The following BRINP1 variants were observed in gnomAD, a reference collection of about 807,000 sequenced individuals.
BRINP1 encodes BMP/retinoic acid-inducible neural-specific protein 1.
BRINP1 carries 17 observed loss-of-function variants against 72.9 expected under a neutral mutation model. That is an observed-to-expected ratio of 0.23 (90% CI 0.16 to 0.35). The LOEUF is 0.35. Ranked by LOEUF, BRINP1 falls within the 10% of genes least tolerant of loss-of-function variation. The pLI, the probability that BRINP1 is intolerant of heterozygous loss-of-function variation, is 1.00. For missense variants in BRINP1, 850 were observed against 1,001.6 expected (o/e 0.85, Z 2.04); for synonymous variants, 418 against 378.5 (o/e 1.10, Z -1.21).
chr9:119,352,662 C>T (rs1831518006), intron 1 of BRINP1, among the ~76,000 whole-genome samples: 1 of 152,220 alleles, frequency 6.6e-6, no homozygotes. Context: ...CCCACCTTGA[C>T]TTCCCCAGTG....
chr9:119,213,685 A>C, intron 6 of BRINP1: 1 of 602,110 alleles, frequency 1.7e-6, no homozygotes, highest in Non-Finnish European at 3.0e-6. Context: ...TACGACAGAA[A>C]CAATACATCA....
chr9:119,255,983 A>C (rs13300834), intron 2 of BRINP1, among the ~76,000 whole-genome samples: 6 of 125,234 alleles, frequency 4.8e-5, no homozygotes, highest in African/African-American at 1.1e-4. Flanking sequence ...AAAAAAAAAA[A>C]CACGAGACAG....
intron 5 of BRINP1, among the ~76,000 whole-genome samples, chr9:119,216,204 C>T (rs1464669447): frequency 6.6e-6 from 1 of 152,174 alleles, no homozygotes; most frequent in Non-Finnish European, 1.5e-5. Context: ...AGGCAGTCTT[C>T]ACATATTTGC....
intron 2 of BRINP1, among the ~76,000 whole-genome samples, chr9:119,256,024 G>A (rs917866544): frequency 3.3e-5 from 5 of 150,118 alleles, no homozygotes; most frequent in South Asian, 2.1e-4. Context: ...CTCTTGGGAC[G>A]GTGTATTCAT....
intron 5 of BRINP1, among the ~76,000 whole-genome samples, chr9:119,223,027 T>C (rs957157634): frequency 1.3e-5 from 2 of 152,002 alleles, no homozygotes; most frequent in African/African-American, 4.8e-5. Context: ...CTCCCTTCTT[T>C]TTCTTGTTAT....
chr9:119,205,753 C>T (rs1286717163), intron 7 of BRINP1, among the ~76,000 whole-genome samples: 3 of 152,100 alleles, frequency 2.0e-5, no homozygotes, highest in African/African-American at 7.2e-5. Flanking sequence ...AATAAATATG[C>T]CTGCCTAATG....
chr9:119,261,031 T>A (rs1198128091), intron 2 of BRINP1, among the ~76,000 whole-genome samples: 1 of 152,102 alleles, frequency 6.6e-6, no homozygotes, highest in Non-Finnish European at 1.5e-5. Flanking sequence ...TTTAAAATAT[T>A]CTCAATACTC....
At chr9:119,321,302 C>T (rs1338892219) in intron 1 of BRINP1, among the ~76,000 whole-genome samples, 1 of 152,118 alleles carries the variant, frequency 6.6e-6, no homozygotes, top group South Asian at 2.1e-4. Context: ...TGGCCTCATA[C>T]CACAAAGCTG....
At chr9:119,190,059 G>A (rs1829666423) in intron 7 of BRINP1, among the ~76,000 whole-genome samples, 1 of 151,898 alleles carries the variant, frequency 6.6e-6, no homozygotes, top group African/African-American at 2.4e-5. Context: ...AAAAGAACAT[G>A]CTCCTTAACA....
intron 1 of BRINP1, among the ~76,000 whole-genome samples, chr9:119,362,036 C>T (rs1235295174): frequency 2.0e-5 from 3 of 151,736 alleles, no homozygotes; most frequent in African/African-American, 7.3e-5. Context: ...CTCCTGACCT[C>T]ATGATCCACC....
At chr9:119,215,946 C>G (rs2118879301) in intron 5 of BRINP1, among the ~76,000 whole-genome samples, 1 of 152,304 alleles carries the variant, frequency 6.6e-6, no homozygotes, top group East Asian at 1.9e-4. Flanking sequence ...TTCAGCCTGC[C>G]TGTTAGGTTC....
intron 5 of BRINP1, among the ~76,000 whole-genome samples, chr9:119,218,733 C>T (rs553612049): frequency 3.5e-5 from 5 of 141,206 alleles, no homozygotes; most frequent in African/African-American, 5.3e-5. Context: ...TTTATACCCC[C>T]TGAAACTCAG....
intron 1 of BRINP1, among the ~76,000 whole-genome samples, chr9:119,349,590 C>T (rs1166855975): frequency 6.6e-6 from 1 of 152,072 alleles, no homozygotes; most frequent in Non-Finnish European, 1.5e-5. Context: ...ACTGGGAACC[C>T]GGGGTTGGCC....
In BRINP1 at chr9:119,358,358, G is replaced by C. The variant is rs79342727; in HGVS notation, c.-51+10698C>G. On this transcript the variant is annotated intron_variant, in intron 1 of 7. Transcript: ENST00000265922. ...AGGTTCTAAAACCAACTCAGATACG[G>C]ATTGATCTTAAAAAGAGTTTATATG... Among the ~76,000 whole-genome samples the C allele has an allele frequency of 1.8e-3, 276 of 149,276 alleles. 2 individuals are homozygous for C. The highest frequency in any genetic ancestry group is 6.4e-3 in the African/African-American group (260 of 40,456).
intron 2 of BRINP1, among the ~76,000 whole-genome samples, chr9:119,298,892 A>G (rs1391306906): frequency 6.6e-6 from 1 of 152,152 alleles, no homozygotes; most frequent in East Asian, 1.9e-4. Flanking sequence ...TGATCCACCT[A>G]TGCATTTACT....
chr9:119,357,385 T>C (rs546943147), intron 1 of BRINP1, among the ~76,000 whole-genome samples: 28 of 152,340 alleles, frequency 1.8e-4, no homozygotes, highest in African/African-American at 6.3e-4. Context: ...GTTACTGTTA[T>C]GACTGGTGGC....
rs550111807 is a variant in BRINP1 at position 119,304,025 on chromosome 9, G to T, written c.218+9113C>A. Among the ~76,000 whole-genome samples, 11 of 151,610 alleles carry T rather than the reference G, an allele frequency of 7.3e-5. No homozygotes were observed. The East Asian group carries it at 2.1e-3, about 30-fold the overall frequency. On this transcript the variant is annotated intron_variant, in intron 2 of 7. Coordinates refer to ENST00000265922, the MANE Select transcript of BRINP1 (RefSeq NM_014618.3). ...CTCCCAAGTAGCTGGGATTACAGGCGCCCACCACCGTGCCTGCCTAATTTT... is the reference window on the plus strand; with the variant it reads ...CTCCCAAGTAGCTGGGATTACAGGCTCCCACCACCGTGCCTGCCTAATTTT...
intron 7 of BRINP1, among the ~76,000 whole-genome samples, chr9:119,187,846 A>T (rs536527338): frequency 6.6e-6 from 1 of 152,336 alleles, no homozygotes; most frequent in African/African-American, 2.4e-5. Context: ...TCTGGGAGAA[A>T]TTCAACAAAA....
At chr9:119,278,560 T>C (rs1023319816) in intron 2 of BRINP1, among the ~76,000 whole-genome samples, 1 of 152,130 alleles carries the variant, frequency 6.6e-6, no homozygotes, top group African/African-American at 2.4e-5. Context: ...AGTGAGTAAA[T>C]AAGACAAATT....
Sources: gnomAD v4.1 joint callset for allele counts (sites outside exome capture counted in the v4.1 genomes callset) on GRCh38, gnomAD v4.1.1 for gene constraint, MANE v1.5 for transcripts, NCBI Gene and HGNC (gene_info 2026-07-23, HGNC 2026-07-21) for gene names.